NUMA1: variants seen among roughly 807,000 people sequenced by gnomAD.
NUMA1 encodes the protein SP-H antigen.
In NUMA1, 62 loss-of-function variants were observed where a neutral mutation model predicts 237.1. That is an observed-to-expected ratio of 0.26 (90% CI 0.21 to 0.32). The LOEUF is 0.32. Ranked by LOEUF, NUMA1 falls within the 10% of genes least tolerant of loss-of-function variation. NUMA1 has a pLI of 1.00. For missense variants in NUMA1, 2,533 were observed against 2,666.5 expected (o/e 0.95, Z 1.10); for synonymous variants, 1,028 against 1,066.1 (o/e 0.96, Z 0.70).
At chr11:72,004,467 C>T (rs71477707) in intron 24 of NUMA1, 126 bp from the exon 25 acceptor site, 2 of 1,217,642 alleles carry the variant, frequency 1.6e-6, no homozygotes, top group Non-Finnish European at 2.4e-6. Flanking sequence ...CTTCCCAACT[C>T]TGGGCCAGAT....
intron 12 of NUMA1, 170 bp downstream of exon 12, chr11:72,018,013 C>T: frequency 1.1e-6 from 1 of 948,280 alleles, no homozygotes. Flanking sequence ...AGCCCAGTAC[C>T]CGGGAAGCCG....
chr11:72,065,922 A>C (rs946125496), intron 2 of NUMA1: 5 of 152,276 alleles, frequency 3.3e-5, no homozygotes, highest in African/African-American at 1.2e-4. Context: ...GTTCTCAAAC[A>C]TGAGATGCCT....
chr11:72,074,314 C>T (rs901099362), intron 1 of NUMA1, among the ~76,000 whole-genome samples: 1 of 152,086 alleles, frequency 6.6e-6, no homozygotes, highest in Admixed American at 6.6e-5. Flanking sequence ...AATCACACCA[C>T]TGTACTCCAG....
chr11:72,043,563 C>G (rs1388249417), intron 2 of NUMA1, among the ~76,000 whole-genome samples: 1 of 140,364 alleles, frequency 7.1e-6, no homozygotes, highest in Non-Finnish European at 1.5e-5. Context: ...GAGACAGGCT[C>G]TCACTATGTT....
At position 72,004,354 on chromosome 11, in the gene NUMA1, G is replaced by A; in HGVS notation, c.6007-13C>T. On this transcript the variant is annotated splice_polypyrimidine_tract_variant and intron_variant, in intron 24 of 26. Transcript: ENST00000393695. ...TGGCCTTCTTAGACTATGGAGAAGA[G>A]GACAGTTAGGCAGACAGTAGCAAGA... The A allele has an allele frequency of 1.2e-6, 2 of 1,605,948 alleles. No homozygotes were observed. Among genetic ancestry groups the A allele is most frequent in the East Asian group, 2.2e-5 (1 of 44,830 alleles).
chr11:72,019,619 TG>T lies in NUMA1; in HGVS notation c.461-3del, dbSNP rs1387787698. The stretch of plus-strand genomic sequence containing the variant: ...TAGAACAGGTAGAAGGCACAGGAGC[TG>T]GGGGTAAGAAATAGACAAAATAAAT... On this transcript the variant is annotated splice_region_variant and splice_polypyrimidine_tract_variant and intron_variant, in intron 8 of 26. Transcript: ENST00000393695. 5.0e-6 allele frequency: 8 copies of T among 1,612,522 alleles called. No individual in the cohort carries two copies. The highest frequency in any genetic ancestry group is 1.7e-4 in the Middle Eastern group (1 of 6,028).
rs59248999 is a variant in NUMA1 at position 72,056,635 on chromosome 11, TAAA to T, written c.-33+13204_-33+13206del. ...GCGCCTGACCAAGATCCCATCTCTT[TAAA>T]AAAAAAAAAAAAAAAAAAAAAAGGC... On this transcript the variant is annotated intron_variant, in intron 2 of 26. Transcript: ENST00000393695. Among the ~76,000 whole-genome samples, 42 of 76,002 alleles carry T rather than the reference TAAA, an allele frequency of 5.5e-4. 1 individual carries two copies. In the South Asian group the frequency reaches 0.012, roughly 22 times the overall value. The allele number at this position is 76,002 out of a possible 152,430, so 49.9% of individuals were successfully genotyped here.
intron 1 of NUMA1, among the ~76,000 whole-genome samples, chr11:72,079,406 T>C (rs1054105751): frequency 6.6e-6 from 1 of 152,120 alleles, no homozygotes; most frequent in African/African-American, 2.4e-5. Flanking sequence ...CCGGGTGTGG[T>C]AGCGGGCGCC....
rs1940006191 is a variant in NUMA1, at chr11:72,029,416, G to T, written c.43-126C>A. 7.8e-6 allele frequency: 4 copies of T among 511,140 alleles called. No individual in the cohort carries two copies. In the South Asian group the frequency reaches 1.5e-4, roughly 19 times the overall value. The allele number at this position is 511,140 out of a possible 1,614,324, so 31.7% of individuals were successfully genotyped here. A position where few individuals can be genotyped will look rare whatever the true frequency, so the allele number is the denominator to read the frequency against. ...GGAATACAAGAACTGATGATTCTCA[G>T]GTTTTTAATTTCAGGAAGGAGTGCC... On this transcript the variant is annotated intron_variant, in intron 3 of 26. Transcript: ENST00000393695.
chr11:72,004,540 G>C (rs1590850920), intron 24 of NUMA1, 100 bp downstream of exon 24: 2 of 1,304,470 alleles, frequency 1.5e-6, no homozygotes, highest in East Asian at 4.7e-5. Flanking sequence ...AAGAGAGGGG[G>C]AAGTGAGGGA....
intron 21 of NUMA1, 132 bp from the exon 22 acceptor site, chr11:72,006,395 G>C: frequency 1.4e-6 from 1 of 701,062 alleles, no homozygotes; most frequent in Non-Finnish European, 2.3e-6. Flanking sequence ...GGTCCTTAAA[G>C]TGTGTGTCTG....
chr11:72,068,362 G>C (rs1311180448), intron 2 of NUMA1: 1 of 152,412 alleles, frequency 6.6e-6, no homozygotes, highest in African/African-American at 2.4e-5. Flanking sequence ...GCTCACGCCT[G>C]TAATCCTAGC....
rs371790545 is a variant in NUMA1 at position 72,015,611 on chromosome 11, C to T, written c.1892G>A (p.Arg631Gln). The T allele has an allele frequency of 6.3e-5, 102 of 1,613,578 alleles. No homozygotes were observed. The highest frequency in any genetic ancestry group is 1.6e-4 in the Middle Eastern group (1 of 6,084). Reference protein sequence around the residue: ...QQQLQVANEARDSAQTSVTQA... With the variant: ...QQQLQVANEAQDSAQTSVTQA... Reference sequence around the variant, plus strand: ...TGTCACTGAGGTCTGGGCACTGTCCCGGGCTTCATTAGCCACCTGAAGTTG... The same window carrying T: ...TGTCACTGAGGTCTGGGCACTGTCCTGGGCTTCATTAGCCACCTGAAGTTG... Residue 631 changes from arginine to glutamine, a missense_variant, in exon 15 of 27, where the codon CGG becomes CAG. Coordinates refer to ENST00000393695, the MANE Select transcript of NUMA1 (RefSeq NM_006185.4). This position sits in a 1 kb window ranked among gnomAD's most constrained non-coding sequence, Gnocchi z 4.0.
rs1303948596 is a variant in NUMA1 at position 72,016,433 on chromosome 11, C to T, written c.1217G>A (p.Gly406Asp). The T allele has an allele frequency of 1.2e-6, 2 of 1,614,122 alleles. No homozygotes were observed. Among genetic ancestry groups the T allele is most frequent in the Admixed American group, 1.7e-5 (1 of 60,032 alleles). ...QLQDNPPQEKGEVLGDVLQLE... is the reference protein window; with the variant it reads ...QLQDNPPQEKDEVLGDVLQLE... ...CTGCAAGACATCACCCAGCACCTCGCCCTTCTCCTGGGGTGGGTTATCCTG... is the reference window on the plus strand; with the variant it reads ...CTGCAAGACATCACCCAGCACCTCGTCCTTCTCCTGGGGTGGGTTATCCTG... The change falls in exon 14 of 27, where the codon GGC becomes GAC. Residue 406 changes from glycine (G) to aspartate (D), a missense_variant. By Grantham distance (94) the Gly-to-Asp change is moderately conservative (BLOSUM62 -1). Transcript: ENST00000393695.
chr11:72,018,339 C>T, intron 11 of NUMA1, 39 bp from the exon 12 acceptor site: 1 of 1,608,648 alleles, frequency 6.2e-7, no homozygotes, highest in Non-Finnish European at 8.5e-7. Flanking sequence ...AGTATGGGTT[C>T]CTGGCTGGGT....
intron 1 of NUMA1, among the ~76,000 whole-genome samples, chr11:72,079,949 A>G (rs1437342842): frequency 6.6e-6 from 1 of 152,082 alleles, no homozygotes; most frequent in Admixed American, 6.6e-5. Flanking sequence ...AAGTAGAGCC[A>G]ACCTCGCACT....
intron 3 of NUMA1, among the ~76,000 whole-genome samples, chr11:72,034,107 T>C (rs1380141058): frequency 6.6e-6 from 1 of 152,156 alleles, no homozygotes; most frequent in Non-Finnish European, 1.5e-5. Context: ...AGAATGAGAC[T>C]CTATGTCTAT....
chr11:72,018,667 A>G (rs111368971), intron 10 of NUMA1, among the ~76,000 whole-genome samples, 154 bp from the exon 11 acceptor site: 2,206 of 152,218 alleles, frequency 0.014, 35 homozygotes, highest in African/African-American at 0.048. Context: ...GAAGATGGGG[A>G]CAAAGACAGA....
Position 72,031,987 on chromosome 11 carries a change from AAAGAG to A in NUMA1, c.43-2702_43-2698del, listed in dbSNP as rs1424769007. Among the ~76,000 whole-genome samples the A allele has an allele frequency of 8.9e-3, 251 of 28,308 alleles. 2 individuals are homozygous for A. Among genetic ancestry groups the A allele is most frequent in the African/African-American group, 0.02 (241 of 11,900 alleles). The allele number at this position is 28,308 out of a possible 152,430, so 18.6% of individuals were successfully genotyped here. A position where few individuals can be genotyped will look rare whatever the true frequency, so the allele number is the denominator to read the frequency against. On this transcript the variant is annotated intron_variant, in intron 3 of 26. Coordinates refer to ENST00000393695, the MANE Select transcript of NUMA1 (RefSeq NM_006185.4). ...CCCAAAAAATTAAAAAAAAAAAAAAAAAGAGAGAGAAAGGAAAAATAGCCCAGCAT... is the reference window on the plus strand; with the variant it reads ...CCCAAAAAATTAAAAAAAAAAAAAAAAGAGAAAGGAAAAATAGCCCAGCAT...
Sources: allele counts gnomAD v4.1 joint callset (sites outside exome capture counted in the v4.1 genomes callset), GRCh38; gene constraint gnomAD v4.1.1; non-coding constraint Gnocchi (gnomAD v3.1); transcripts MANE v1.5; gene names NCBI Gene and HGNC (gene_info 2026-07-23, HGNC 2026-07-21).